CCDC7: variants seen among roughly 807,000 people sequenced by gnomAD.
The protein encoded by CCDC7 is coiled-coil domain-containing protein 7.
CCDC7 carries 183 observed loss-of-function variants against 196.9 expected under a neutral mutation model. That is an observed-to-expected ratio of 0.93 (90% CI 0.82 to 1.05). The LOEUF (loss-of-function observed/expected upper bound fraction) is 1.05. Ranked by LOEUF, CCDC7 falls within the 50% of genes least tolerant of loss-of-function variation. The pLI is 0.00. For missense variants in CCDC7, 1,540 were observed against 1,482.2 expected (o/e 1.04, Z -0.64); for synonymous variants, 525 against 484.6 (o/e 1.08, Z -1.10).
chr10:32,671,337 T>C (rs999715909), intron 21 of CCDC7, among the ~76,000 whole-genome samples: 1 of 152,200 alleles, frequency 6.6e-6, no homozygotes, highest in African/African-American at 2.4e-5. Flanking sequence ...TTTATTCAAA[T>C]TGAATACAGT....
chr10:32,844,551 C>T (rs1458375924), intron 33 of CCDC7, among the ~76,000 whole-genome samples: 2 of 151,714 alleles, frequency 1.3e-5, no homozygotes, highest in Non-Finnish European at 2.9e-5. Context: ...TTTTATCTCA[C>T]CAGGTACATC....
chr10:32,765,934 G>A (rs2078221640), intron 28 of CCDC7, among the ~76,000 whole-genome samples: 1 of 152,052 alleles, frequency 6.6e-6, no homozygotes, highest in Non-Finnish European at 1.5e-5. Context: ...GTCTAGCAAT[G>A]CATCTTCACT....
intron 25 of CCDC7, among the ~76,000 whole-genome samples, chr10:32,719,526 G>A (rs552496094): frequency 2.0e-5 from 3 of 152,244 alleles, no homozygotes; most frequent in Non-Finnish European, 1.5e-5. Context: ...TGACAAATGA[G>A]ATCTAATTAA....
chr10:32,647,445 G>A (rs890520005), intron 20 of CCDC7, among the ~76,000 whole-genome samples: 1 of 11,358 alleles, frequency 8.8e-5, no homozygotes, highest in Non-Finnish European at 3.7e-4. Flanking sequence ...GGGGGGTAGA[G>A]GTTGCAGTGA....
intron 2 of CCDC7, among the ~76,000 whole-genome samples, chr10:32,454,111 A>G (rs1231595859): frequency 6.6e-6 from 1 of 152,232 alleles, no homozygotes; most frequent in Non-Finnish European, 1.5e-5. Flanking sequence ...AAGGCTACAT[A>G]TCATATGATT....
rs758929012 is a variant in CCDC7, at chr10:32,462,967, A to G, written c.478-50A>G. ...TATAGATATTTATTTCATCAGTGCA[A>G]TTTAAGTAGTCACTATTTCTTTTTT... On this transcript the variant is annotated intron_variant, in intron 4 of 41. Transcript: ENST00000639629. 1.9e-6 allele frequency: 3 copies of G among 1,610,360 alleles called. No individual in the cohort carries two copies. The South Asian group carries it at 3.3e-5, about 18-fold the overall frequency.
At chr10:32,876,391 T>G (rs747419058) in exon 42 of CCDC7, 1 of 1,609,984 alleles carries the variant, frequency 6.2e-7, no homozygotes, top group Admixed American at 1.7e-5. Flanking sequence ...CCCATACTTT[T>G]GAGAATGAAG....
intron 7 of CCDC7, among the ~76,000 whole-genome samples, chr10:32,473,241 T>C (rs575919551): frequency 1.3e-5 from 2 of 152,192 alleles, no homozygotes; most frequent in African/African-American, 4.8e-5. Flanking sequence ...ACCTAAGGAG[T>C]TAGAAGGCTT....
chr10:32,754,815 G>A (rs992778132), intron 28 of CCDC7, among the ~76,000 whole-genome samples: 6 of 152,090 alleles, frequency 3.9e-5, no homozygotes, highest in Non-Finnish European at 5.9e-5. Context: ...GAAGCAGGGC[G>A]GGGCACTGCC....
At chr10:32,726,700 C>G (rs750206710) in intron 25 of CCDC7, 34 bp from the exon 27 acceptor site, 1 of 1,256,810 alleles carries the variant, frequency 8.0e-7, no homozygotes, top group South Asian at 1.3e-5. Context: ...ATTTAGCGGA[C>G]TAAATGTATC....
chr10:32,526,585 G>A (rs2048712785), intron 11 of CCDC7, among the ~76,000 whole-genome samples: 1 of 152,100 alleles, frequency 6.6e-6, no homozygotes. Context: ...GCATATCACT[G>A]GTGGTTATTC....
At chr10:32,525,725 G>C (rs2048562123) in intron 11 of CCDC7, among the ~76,000 whole-genome samples, 1 of 152,170 alleles carries the variant, frequency 6.6e-6, no homozygotes. Flanking sequence ...AGGGACTTGG[G>C]CCCCAAGCCC....
At chr10:32,779,491 T>G (rs1341248102) in intron 29 of CCDC7, among the ~76,000 whole-genome samples, 1 of 152,228 alleles carries the variant, frequency 6.6e-6, no homozygotes, top group African/African-American at 2.4e-5. Context: ...GGCTGCCTTG[T>G]GATGTGCTTA....
At chr10:32,727,078 C>T (rs187951375) in intron 26 of CCDC7, among the ~76,000 whole-genome samples, 13 of 152,196 alleles carry the variant, frequency 8.5e-5, no homozygotes, top group Admixed American at 4.6e-4. Flanking sequence ...CCCAATAATT[C>T]GCCTACAGTA....
chr10:32,858,622 C>A (rs2093850319), intron 41 of CCDC7, among the ~76,000 whole-genome samples: 1 of 152,010 alleles, frequency 6.6e-6, no homozygotes, highest in African/African-American at 2.4e-5. Context: ...TGACAAAGTT[C>A]AGCATTCTTT....
At chr10:32,867,836 C>T (rs1227788881) in intron 41 of CCDC7, among the ~76,000 whole-genome samples, 2 of 151,844 alleles carry the variant, frequency 1.3e-5, no homozygotes, top group Non-Finnish European at 2.9e-5. Context: ...TACATTCACA[C>T]TGCTATGCAA....
At chr10:32,838,108 A>T (rs2092748446) in intron 33 of CCDC7, among the ~76,000 whole-genome samples, 1 of 152,042 alleles carries the variant, frequency 6.6e-6, no homozygotes, top group Non-Finnish European at 1.5e-5. Context: ...AAAAATAAAT[A>T]GGTTCAGAGA....
intron 5 of CCDC7, among the ~76,000 whole-genome samples, chr10:32,465,796 C>T (rs180877340): frequency 3.0e-4 from 46 of 152,248 alleles, no homozygotes; most frequent in African/African-American, 1.1e-3. Context: ...ACTATTCCAC[C>T]TCAGATGCAA....
chr10:32,845,540 T>C lies in CCDC7; in HGVS notation c.3437-3T>C. 4 of 1,601,064 alleles carry C rather than the reference T, an allele frequency of 2.5e-6. No homozygotes were observed. Among genetic ancestry groups the C allele is most frequent in the South Asian group, 2.2e-5 (2 of 90,238 alleles). On this transcript the variant is annotated splice_polypyrimidine_tract_variant and splice_region_variant and intron_variant, in intron 34 of 41. Transcript: ENST00000639629. ...TATACTGAAATCTGTTTTATTTCTA[T>C]AGAGACTGATAAGAACTTCTTTGCC...
Sources: gnomAD v4.1 joint callset for allele counts (sites outside exome capture counted in the v4.1 genomes callset) on GRCh38, gnomAD v4.1.1 for gene constraint, MANE v1.5 for transcripts, NCBI Gene and HGNC (gene_info 2026-07-23, HGNC 2026-07-21) for gene names.